The following WDR72 variants were observed in gnomAD, a reference collection of about 807,000 sequenced individuals.
The protein encoded by WDR72 is WD repeat domain 72.
Under a neutral mutation model 124.2 loss-of-function variants are expected in WDR72, and 120 were observed. That is an observed-to-expected ratio of 0.97 (90% confidence interval 0.83 to 1.12). WDR72 has a LOEUF of 1.12. WDR72 is among the 50% of genes most tolerant of loss of function. The pLI is 0.00. For missense variants in WDR72, 1,387 were observed against 1,278.8 expected, an observed-to-expected ratio of 1.08 and a Z score of -1.29; for synonymous variants, 452 against 441.7, an observed-to-expected ratio of 1.02 and a Z score of -0.29.
intron 13 of WDR72, among the ~76,000 whole-genome samples, chr15:53,697,713 T>C (rs1168831876): frequency 6.6e-6 from 1 of 152,216 alleles, no homozygotes; most frequent in African/African-American, 2.4e-5. Flanking sequence ...GGACTGTGAC[T>C]GAAATACAAT....
intron 13 of WDR72, among the ~76,000 whole-genome samples, chr15:53,689,669 G>A (rs2016771011): frequency 6.7e-6 from 1 of 150,034 alleles, no homozygotes; most frequent in South Asian, 2.1e-4. Context: ...GATTCCTCAG[G>A]GATCTAGAAC....
chr15:53,616,979 T>G (rs904794470), intron 14 of WDR72, among the ~76,000 whole-genome samples: 1 of 151,910 alleles, frequency 6.6e-6, no homozygotes, highest in Non-Finnish European at 1.5e-5. Flanking sequence ...GCCACACCTT[T>G]GCAGGAATTT....
At chr15:53,750,097 T>C (rs58173594) in intron 1 of WDR72, among the ~76,000 whole-genome samples, 5,614 of 152,276 alleles carry the variant, frequency 0.037, 355 homozygotes, top group African/African-American at 0.13. Context: ...TCAATGTAGA[T>C]GAAACACCTT....
At chr15:53,616,338 T>C in intron 14 of WDR72, 95 bp from the exon 15 acceptor site, 3 of 1,042,910 alleles carry the variant, frequency 2.9e-6, no homozygotes, top group Non-Finnish European at 2.8e-6. Flanking sequence ...AAGTATTACA[T>C]TGCAGAGCAG....
At chr15:53,706,705 T>C (rs1468637449) in intron 9 of WDR72, among the ~76,000 whole-genome samples, 1 of 151,970 alleles carries the variant, frequency 6.6e-6, no homozygotes, top group Non-Finnish European at 1.5e-5. Flanking sequence ...ATTTTGTTAT[T>C]AATATGTTTT....
chr15:53,626,388 C>A (rs917105593), intron 14 of WDR72, among the ~76,000 whole-genome samples: 1 of 152,190 alleles, frequency 6.6e-6, no homozygotes, highest in Non-Finnish European at 1.5e-5. Flanking sequence ...CAGCAACGGG[C>A]ACCTTGCTGG....
chr15:53,760,593 T>C (rs929218314), upstream of WDR72, among the ~76,000 whole-genome samples: 1 of 152,172 alleles, frequency 6.6e-6, no homozygotes, highest in African/African-American at 2.4e-5. Flanking sequence ...GATGGACAAC[T>C]TAGGTTGATT....
intron 17 of WDR72, among the ~76,000 whole-genome samples, chr15:53,605,755 T>A (rs1395422768): frequency 6.6e-6 from 1 of 151,992 alleles, no homozygotes; most frequent in Non-Finnish European, 1.5e-5. Flanking sequence ...CTTGGGAGGA[T>A]GAGGCAGAAG....
intron 18 of WDR72, among the ~76,000 whole-genome samples, chr15:53,568,164 A>C (rs1164722613): frequency 6.6e-6 from 1 of 151,372 alleles, no homozygotes; most frequent in African/African-American, 2.4e-5. Context: ...AAATTTAAAA[A>C]AATTACATCA....
intron 18 of WDR72, among the ~76,000 whole-genome samples, chr15:53,543,901 G>T (rs1463771549): frequency 6.6e-6 from 1 of 152,108 alleles, no homozygotes; most frequent in Non-Finnish European, 1.5e-5. Context: ...AAATAAACTA[G>T]AAAATCTAGA....
chr15:53,664,778 T>C (rs1336523638), intron 14 of WDR72, among the ~76,000 whole-genome samples: 1 of 152,016 alleles, frequency 6.6e-6, no homozygotes, highest in Non-Finnish European at 1.5e-5. Flanking sequence ...TATCAAGACA[T>C]AGAGAAACAA....
chr15:53,528,092 T>C (rs1438764424), intron 18 of WDR72, among the ~76,000 whole-genome samples: 2 of 152,084 alleles, frequency 1.3e-5, no homozygotes, highest in Non-Finnish European at 2.9e-5. Flanking sequence ...GCATAATCTA[T>C]GAAAAGATGT....
chr15:53,696,911 G>A (rs1480673222), intron 13 of WDR72, among the ~76,000 whole-genome samples: 1 of 152,210 alleles, frequency 6.6e-6, no homozygotes, highest in African/African-American at 2.4e-5. Flanking sequence ...GGTGTTGTAA[G>A]GCTCAAATGA....
chr15:53,760,038 T>G (rs2019032388), upstream of WDR72, among the ~76,000 whole-genome samples: 2 of 150,900 alleles, frequency 1.3e-5, no homozygotes, highest in African/African-American at 4.9e-5. Context: ...TTTTTTTAAG[T>G]TTTTGGGGAT....
intron 13 of WDR72, among the ~76,000 whole-genome samples, chr15:53,675,033 A>T (rs956119590): frequency 1.2e-4 from 18 of 152,220 alleles, no homozygotes; most frequent in African/African-American, 3.9e-4. Context: ...ACACATTTTA[A>T]ACTAGGGTTT....
At chr15:53,547,160 A>G in intron 18 of WDR72, among the ~76,000 whole-genome samples, 1 of 152,258 alleles carries the variant, frequency 6.6e-6, no homozygotes, top group Admixed American at 6.5e-5. Context: ...TGTTACCAAC[A>G]ACTATTTAAC....
chr15:53,560,762 T>C (rs1894097443), intron 18 of WDR72, among the ~76,000 whole-genome samples: 1 of 151,840 alleles, frequency 6.6e-6, no homozygotes, highest in South Asian at 2.1e-4. Flanking sequence ...ATGACCCTTG[T>C]CTTTAGCTTG....
chr15:53,604,821 A>C (rs12441277), intron 17 of WDR72, among the ~76,000 whole-genome samples: 1 of 152,082 alleles, frequency 6.6e-6, no homozygotes, highest in Non-Finnish European at 1.5e-5. Context: ...AAAATTATAG[A>C]TTAGAAAATC....
intron 14 of WDR72, among the ~76,000 whole-genome samples, chr15:53,619,196 A>G (rs1470147203): frequency 6.6e-6 from 1 of 151,732 alleles, no homozygotes; most frequent in African/African-American, 2.4e-5. Context: ...AGTTTCTAAA[A>G]TCTTTGTGGA....
Sources: allele counts gnomAD v4.1 joint callset (sites outside exome capture counted in the v4.1 genomes callset), GRCh38; gene constraint gnomAD v4.1.1; transcripts MANE v1.5; gene names NCBI Gene and HGNC (gene_info 2026-07-23, HGNC 2026-07-21).